GPHN: variants seen among roughly 807,000 people sequenced by gnomAD.
The protein encoded by GPHN is gephyrin.
Under a neutral mutation model 95.5 loss-of-function variants are expected in GPHN, and 17 were observed. That is an observed-to-expected ratio of 0.18 (90% CI 0.12 to 0.27). The LOEUF is 0.27. GPHN is among the 10% of genes least tolerant of loss of function. The probability of loss-of-function intolerance (pLI) is 1.00; values close to 1 mark genes in which losing one functional copy is unlikely to be tolerated. For missense variants in GPHN, 660 were observed against 978.1 expected, an observed-to-expected ratio of 0.67 and a Z score of 4.34; for synonymous variants, 320 against 322.5, an observed-to-expected ratio of 0.99 and a Z score of 0.08.
At chr14:66,729,655 C>T (rs1157168982) in intron 2 of GPHN, among the ~76,000 whole-genome samples, 27 of 152,078 alleles carry the variant, frequency 1.8e-4, no homozygotes, top group Admixed American at 1.8e-3. Flanking sequence ...CATCAGAGAT[C>T]ATTATTTTTT....
intron 1 of GPHN, among the ~76,000 whole-genome samples, chr14:66,663,897 A>G (rs528675743): frequency 6.6e-6 from 1 of 152,350 alleles, no homozygotes; most frequent in East Asian, 1.9e-4. Context: ...GGCATTACAT[A>G]ATGGTAAAGG....
At chr14:67,611,758 A>G in the GPHN span, among the ~76,000 whole-genome samples, 2 of 152,208 alleles carry the variant, frequency 1.3e-5, no homozygotes, top group South Asian at 4.1e-4. Context: ...CATGGAAGAC[A>G]ATTTTTCCAC....
At chr14:66,817,227 ATG>A (rs1449034061) in intron 3 of GPHN, among the ~76,000 whole-genome samples, 1 of 151,926 alleles carries the variant, frequency 6.6e-6, no homozygotes, top group East Asian at 1.9e-4. Context: ...GTGTTTGTGT[ATG>A]TGTATACATA....
chr14:66,539,877 A>G (rs1421181184), intron 1 of GPHN, among the ~76,000 whole-genome samples: 1 of 152,184 alleles, frequency 6.6e-6, no homozygotes, highest in Non-Finnish European at 1.5e-5. Flanking sequence ...CAGTTCATCT[A>G]CTTCTTGTTC....
At chr14:67,485,823 C>T in the GPHN span, among the ~76,000 whole-genome samples, 1 of 152,222 alleles carries the variant, frequency 6.6e-6, no homozygotes, top group African/African-American at 2.4e-5. Flanking sequence ...GAGCTTGTCT[C>T]GCTGAGGAGG....
chr14:67,345,288 G>A, the GPHN span, among the ~76,000 whole-genome samples: 1 of 151,572 alleles, frequency 6.6e-6, no homozygotes, highest in African/African-American at 2.4e-5. Flanking sequence ...CAGGTGCAGT[G>A]GCTCATGCCT....
At chr14:67,617,097 A>T in the GPHN span, 1 of 152,086 alleles carries the variant, frequency 6.6e-6, no homozygotes, top group Non-Finnish European at 1.5e-5. Flanking sequence ...GACTGGTCTC[A>T]AACTCCTGAC....
the GPHN span, among the ~76,000 whole-genome samples, chr14:67,265,275 A>C: frequency 1.3e-5 from 2 of 152,188 alleles, no homozygotes; most frequent in Non-Finnish European, 2.9e-5. Flanking sequence ...GTAAACCCAG[A>C]GCCTGGGCAT....
the GPHN span, among the ~76,000 whole-genome samples, chr14:67,715,792 A>T: frequency 6.6e-6 from 1 of 152,216 alleles, no homozygotes; most frequent in Non-Finnish European, 1.5e-5. Flanking sequence ...TGTAAACTCA[A>T]CCATATTCAC....
the GPHN span, chr14:67,227,517 G>A: frequency 6.6e-6 from 1 of 151,404 alleles, no homozygotes; most frequent in African/African-American, 2.4e-5. Flanking sequence ...TATGGGAAAA[G>A]GTAGATTTTT....
chr14:66,561,994 G>A (rs2140285835), intron 1 of GPHN, among the ~76,000 whole-genome samples: 1 of 152,160 alleles, frequency 6.6e-6, no homozygotes, highest in East Asian at 1.9e-4. Context: ...TTCTCACACT[G>A]CCATTTGCCC....
chr14:67,663,016 A>G, the GPHN span: 28 of 1,411,198 alleles, frequency 2.0e-5, no homozygotes, highest in Non-Finnish European at 2.4e-5. Flanking sequence ...TGCAAAATAA[A>G]AATTCCACCT....
the GPHN span, chr14:67,350,587 A>C: frequency 1.3e-6 from 2 of 1,596,468 alleles, no homozygotes; most frequent in Non-Finnish European, 1.7e-6. Context: ...TTTTGCTTCA[A>C]AACACCCCGT....
the GPHN span, among the ~76,000 whole-genome samples, chr14:67,457,488 C>A: frequency 5.9e-5 from 9 of 152,114 alleles, no homozygotes; most frequent in African/African-American, 2.2e-4. Flanking sequence ...GCCTGTGGTC[C>A]CAGCTACTTA....
the GPHN span, among the ~76,000 whole-genome samples, chr14:67,269,323 T>A: frequency 6.6e-6 from 1 of 151,936 alleles, no homozygotes; most frequent in Non-Finnish European, 1.5e-5. Flanking sequence ...CTATGAATAT[T>A]TTTGTACAAG....
chr14:66,954,103 A>T lies in GPHN; in HGVS notation c.829-11088A>T, dbSNP rs138767257. On this transcript the variant is annotated intron_variant, in intron 8 of 22. Coordinates refer to ENST00000478722, the MANE Select transcript of GPHN (RefSeq NM_020806.5). ...TCTAACTTTCTTTGTCTTTTTCAAG[A>T]TTGTTTTAGCTATTAGGTTCCTTGA... is the stretch of plus-strand genomic sequence containing the variant. Among the ~76,000 whole-genome samples, 9 of 150,818 alleles carry T rather than the reference A, an allele frequency of 6.0e-5. No homozygotes were observed. The South Asian group carries it at 1.9e-3, about 31-fold the overall frequency.
At chr14:66,624,904 G>A (rs1411185754) in intron 1 of GPHN, among the ~76,000 whole-genome samples, 1 of 152,156 alleles carries the variant, frequency 6.6e-6, no homozygotes, top group African/African-American at 2.4e-5. Context: ...AGTAATAGTA[G>A]ATTACAGAGA....
intron 9 of GPHN, among the ~76,000 whole-genome samples, chr14:67,002,309 CTTT>C (rs1177817698): frequency 0.057 from 3,310 of 58,572 alleles, 17 homozygotes; most frequent in Middle Eastern, 0.12. Context: ...CTTTGTGTTG[CTTT>C]TTTTTTTTTT....
chr14:66,522,389 T>C lies in GPHN; in HGVS notation c.64+13798T>C, dbSNP rs562895173. ...CCGGGAGATGTTATAGTATGTATTA[T>C]ATGAAAATGCTTTTACATGATCAAA... On this transcript the variant is annotated intron_variant, in intron 1 of 22. Transcript: ENST00000478722. 6.8e-4 allele frequency among the ~76,000 whole-genome samples: 104 copies of C among 152,306 alleles called. 2 individuals carry two copies. The South Asian group carries it at 0.018, about 26-fold the overall frequency.
Sources: gnomAD v4.1 joint callset for allele counts (sites outside exome capture counted in the v4.1 genomes callset) on GRCh38, gnomAD v4.1.1 for gene constraint, MANE v1.5 for transcripts, NCBI Gene and HGNC (gene_info 2026-07-23, HGNC 2026-07-21) for gene names.